The following HS6ST1 variants were observed in gnomAD, a reference collection of about 807,000 sequenced individuals.
HS6ST1 encodes the protein heparan-sulfate 6-O-sulfotransferase 1.
A neutral mutation model predicts 25.2 loss-of-function variants in HS6ST1; 3 were observed. The ratio of observed to expected loss-of-function variants is 0.12; its 90% CI spans 0.05 to 0.31. The LOEUF is 0.31. Among genes scored for constraint, HS6ST1 ranks in the 10% least tolerant of loss-of-function variants. HS6ST1 has a pLI of 1.00. For synonymous variants in HS6ST1, 204 were observed against 275.1 expected (o/e 0.74, Z 2.56); for missense variants, 310 against 609.6 (o/e 0.51, Z 5.18).
intron 1 of HS6ST1, among the ~76,000 whole-genome samples, chr2:128,287,086 C>G (rs1187126088): frequency 1.3e-5 from 2 of 152,202 alleles, no homozygotes; most frequent in East Asian, 3.9e-4. Context: ...GACAAGGAAC[C>G]CTCTGGGGCA....
At chr2:128,284,843 G>A (rs1410129584) in intron 1 of HS6ST1, among the ~76,000 whole-genome samples, 3 of 152,178 alleles carry the variant, frequency 2.0e-5, no homozygotes, top group African/African-American at 4.8e-5. Context: ...GACTTTCCCA[G>A]GGCCAGAGCC....
intron 1 of HS6ST1, among the ~76,000 whole-genome samples, chr2:128,270,407 C>T (rs952947401): frequency 9.2e-5 from 14 of 152,320 alleles, no homozygotes; most frequent in Middle Eastern, 3.4e-3. Context: ...CACACCTGGC[C>T]CTCCCCAAGC....
Position 128,284,250 on chromosome 2 carries a change from G to GC in HS6ST1, c.528-15381dup, listed in dbSNP as rs111621679. 8.5e-5 allele frequency among the ~76,000 whole-genome samples: 13 copies of GC among 152,120 alleles called. 1 individual carries two copies. Among genetic ancestry groups the GC allele is most frequent in the African/African-American group, 2.9e-4 (12 of 41,504 alleles). On this transcript the variant is annotated intron_variant, in intron 1 of 1. Coordinates refer to ENST00000259241, the MANE Select transcript of HS6ST1 (RefSeq NM_004807.3). ...GGCATCTCGGCTCCACCCTCCGATG[G>GC]CCCGTGCCCAGGTTGCCAACACAGG...
At chr2:128,290,939 G>A (rs572738018) in intron 1 of HS6ST1, among the ~76,000 whole-genome samples, 33 of 151,798 alleles carry the variant, frequency 2.2e-4, no homozygotes, top group Non-Finnish European at 3.1e-4. Context: ...CGGAGATCGT[G>A]TCATAGCACT....
chr2:128,274,251 C>T (rs2405747), intron 1 of HS6ST1, among the ~76,000 whole-genome samples: 18,454 of 151,944 alleles, frequency 0.12, 1,293 homozygotes, highest in Non-Finnish European at 0.15. Flanking sequence ...GACCAAGTGC[C>T]GAGCAAATGA....
At chr2:128,309,098 GCC>G in intron 1 of HS6ST1, among the ~76,000 whole-genome samples, 1 of 152,328 alleles carries the variant, frequency 6.6e-6, no homozygotes, top group Non-Finnish European at 1.5e-5. Flanking sequence ...CAAGCCTGGG[GCC>G]TCTCTTTTGC....
intron 1 of HS6ST1, among the ~76,000 whole-genome samples, chr2:128,307,460 G>A (rs1291790274): frequency 6.6e-6 from 1 of 152,222 alleles, no homozygotes; most frequent in African/African-American, 2.4e-5. Context: ...GCAGGCACCG[G>A]GATGCCACAG....
intron 1 of HS6ST1, among the ~76,000 whole-genome samples, chr2:128,309,231 G>A (rs1694254231): frequency 6.6e-6 from 1 of 152,248 alleles, no homozygotes; most frequent in Non-Finnish European, 1.5e-5. Flanking sequence ...GTTTGCTGTG[G>A]AGGGTGAAGG....
intron 1 of HS6ST1, among the ~76,000 whole-genome samples, chr2:128,305,638 G>A (rs1573707633): frequency 6.6e-6 from 1 of 152,224 alleles, no homozygotes; most frequent in East Asian, 1.9e-4. Context: ...CCTTCTCCCC[G>A]GCTTAGTGCC....
intron 1 of HS6ST1, among the ~76,000 whole-genome samples, chr2:128,273,125 G>C (rs1003478789): frequency 6.6e-6 from 1 of 152,194 alleles, no homozygotes; most frequent in African/African-American, 2.4e-5. Flanking sequence ...TGTGTTCAAA[G>C]ATATTAGCAG....
At chr2:128,305,020 T>C (rs1458164017) in intron 1 of HS6ST1, among the ~76,000 whole-genome samples, 1 of 152,220 alleles carries the variant, frequency 6.6e-6, no homozygotes. Flanking sequence ...AGGGTCAGTG[T>C]CATGCAGGAG....
chr2:128,282,891 AAC>A (rs1489948535), intron 1 of HS6ST1, among the ~76,000 whole-genome samples: 1 of 152,158 alleles, frequency 6.6e-6, no homozygotes, highest in Non-Finnish European at 1.5e-5. Context: ...CACAGCTCCT[AAC>A]ACAGGCGGTG....
rs574085836 is a variant in HS6ST1 at position 128,296,293 on chromosome 2, T to C, written c.527+21744A>G. Among the ~76,000 whole-genome samples the C allele has an allele frequency of 4.5e-4, 69 of 152,322 alleles. 1 individual carries two copies. Among genetic ancestry groups the C allele is most frequent in the African/African-American group, 1.6e-3 (68 of 41,570 alleles). ...GAAACACCAAAAGCTTTCCTCTACT[T>C]TGGGAACAAGGCAAAGATGTCTACT... On this transcript the variant is annotated intron_variant, in intron 1 of 1. Coordinates refer to ENST00000259241, the MANE Select transcript of HS6ST1 (RefSeq NM_004807.3).
intron 1 of HS6ST1, 48 bp from the exon 2 acceptor site, chr2:128,268,918 G>T (rs1177843719): frequency 2.6e-6 from 4 of 1,516,506 alleles, no homozygotes; most frequent in Non-Finnish European, 3.6e-6. Flanking sequence ...GCAGCATGAG[G>T]GGGGCTACCA....
At chr2:128,287,451 G>T (rs1396957688) in intron 1 of HS6ST1, among the ~76,000 whole-genome samples, 1 of 152,210 alleles carries the variant, frequency 6.6e-6, no homozygotes, top group African/African-American at 2.4e-5. Context: ...GGTGCACAGA[G>T]AACTGGGCAG....
At chr2:128,306,917 G>T (rs1393134455) in intron 1 of HS6ST1, among the ~76,000 whole-genome samples, 1 of 152,162 alleles carries the variant, frequency 6.6e-6, no homozygotes, top group Non-Finnish European at 1.5e-5. Flanking sequence ...CACTGTCATG[G>T]GGGGAGGCTG....
chr2:128,301,041 C>G (rs12467100), intron 1 of HS6ST1, among the ~76,000 whole-genome samples: 87,238 of 152,096 alleles, frequency 0.57, 25,916 homozygotes, highest in East Asian at 0.79. Flanking sequence ...GGGCTTTTGG[C>G]TGCTTGGGTA....
intron 1 of HS6ST1, chr2:128,290,328 C>A (rs1406053776): frequency 6.6e-6 from 1 of 152,146 alleles, no homozygotes; most frequent in Non-Finnish European, 1.5e-5. Flanking sequence ...AAGCAGTGGA[C>A]ACTCCCAATT....
At chr2:128,280,116 C>T (rs941943563) in intron 1 of HS6ST1, among the ~76,000 whole-genome samples, 3 of 152,244 alleles carry the variant, frequency 2.0e-5, no homozygotes, top group African/African-American at 7.2e-5. Flanking sequence ...TTGCCTGCTG[C>T]CAACCCCACC....
Sources: gnomAD v4.1 joint callset for allele counts (sites outside exome capture counted in the v4.1 genomes callset) on GRCh38, gnomAD v4.1.1 for gene constraint, MANE v1.5 for transcripts, NCBI Gene and HGNC (gene_info 2026-07-23, HGNC 2026-07-21) for gene names.